The following SLF2 variants were observed in gnomAD, a reference collection of about 807,000 sequenced individuals.
SLF2 encodes SMC5/6 complex localization factor 2, also known as SMC5-SMC6 complex localization factor protein 2.
In SLF2, 68 loss-of-function variants were observed where a neutral mutation model predicts 124.3. That is an observed-to-expected ratio of 0.55 (90% CI 0.45 to 0.67). The LOEUF is 0.67. Among genes scored for constraint, SLF2 ranks in the 30% least tolerant of loss-of-function variants. The probability of loss-of-function intolerance (pLI) is 0.00; values close to 1 mark genes in which losing one functional copy is unlikely to be tolerated. For synonymous variants in SLF2, 480 were observed against 478.8 expected, an observed-to-expected ratio of 1.00 and a Z score of -0.03; for missense variants, 1,246 against 1,373.7, an observed-to-expected ratio of 0.91 and a Z score of 1.47.
chr10:100,931,524 G>A (rs984365943), intron 9 of SLF2, among the ~76,000 whole-genome samples: 5 of 151,376 alleles, frequency 3.3e-5, no homozygotes, highest in African/African-American at 7.3e-5. Context: ...CATATTTAAC[G>A]CTTAAATCCA....
chr10:100,944,464 T>C (rs893216647), intron 12 of SLF2, among the ~76,000 whole-genome samples: 35 of 131,454 alleles, frequency 2.7e-4, no homozygotes, highest in Admixed American at 4.6e-4. Flanking sequence ...CACTGCACTC[T>C]AGCCTGGGCA....
intron 1 of SLF2, among the ~76,000 whole-genome samples, chr10:100,914,116 A>G (rs1849371998): frequency 6.6e-6 from 1 of 152,204 alleles, no homozygotes; most frequent in African/African-American, 2.4e-5. Flanking sequence ...TTAAGTGTGA[A>G]TATTCATGTT....
intron 1 of SLF2, among the ~76,000 whole-genome samples, chr10:100,914,484 C>T (rs1306176453): frequency 1.3e-5 from 2 of 151,972 alleles, no homozygotes; most frequent in Non-Finnish European, 2.9e-5. Context: ...AGTCTGAGGT[C>T]CAATATTTTA....
At chr10:100,940,801 C>CCCCCTG (rs1455087527) in intron 11 of SLF2, among the ~76,000 whole-genome samples, 2 of 107,926 alleles carry the variant, frequency 1.9e-5, no homozygotes, top group South Asian at 3.4e-4. Flanking sequence ...CCCTGCCCCT[C>CCCCCTG]CCCCTGCCCC....
At chr10:100,959,340 A>G (rs1362039109) in intron 18 of SLF2, 88 bp from the exon 19 acceptor site, 1 of 1,231,338 alleles carries the variant, frequency 8.1e-7, no homozygotes, top group Non-Finnish European at 1.1e-6. Flanking sequence ...GGCCTGTTGC[A>G]GCTGTCAGAT....
chr10:100,937,500 A>T (rs1174409494), intron 10 of SLF2, 23 bp downstream of exon 10: 10 of 1,368,846 alleles, frequency 7.3e-6, no homozygotes, highest in Non-Finnish European at 1.0e-5. Flanking sequence ...ACTTATTAAG[A>T]TTTACCGTGT....
chr10:100,947,212 C>T, intron 14 of SLF2, 76 bp downstream of exon 14: 1 of 831,142 alleles, frequency 1.2e-6, no homozygotes, highest in South Asian at 2.1e-5. Flanking sequence ...TTGTTTATTT[C>T]CATTCATCAT....
At chr10:100,944,989 C>T (rs1206843001) in intron 12 of SLF2, among the ~76,000 whole-genome samples, 2 of 151,994 alleles carry the variant, frequency 1.3e-5, no homozygotes, top group African/African-American at 4.8e-5. Flanking sequence ...GAGATCACAC[C>T]ACTGTACTCC....
intron 19 of SLF2, among the ~76,000 whole-genome samples, chr10:100,960,973 G>GTGAGAAC (rs1564787347): frequency 7.1e-6 from 1 of 140,372 alleles, no homozygotes; most frequent in Non-Finnish European, 1.5e-5. Flanking sequence ...TAGGTCTGGA[G>GTGAGAAC]TGAGAACTGA....
At position 100,916,897 on chromosome 10, in the gene SLF2, C is replaced by T. The variant is rs758986119; in HGVS notation, c.512C>T (p.Pro171Leu). The change falls in exon 3 of 20, where the codon CCA becomes CTA. Residue 171 changes from proline to leucine, a missense_variant. Physicochemically the swap from Pro to Leu is moderately conservative, Grantham distance 98. Coordinates refer to ENST00000238961, the MANE Select transcript of SLF2 (RefSeq NM_018121.4). Reference sequence around the variant, plus strand: ...TCACTAAAGAAAAAACATCGATCCCCAGAGAGAAGGAAGTCACTATTCATT... The same window carrying T: ...TCACTAAAGAAAAAACATCGATCCCTAGAGAGAAGGAAGTCACTATTCATT... ...MKSLKKKHRSPERRKSLFIHE... is the reference protein window; with the variant it reads ...MKSLKKKHRSLERRKSLFIHE... The T allele has an allele frequency of 8.7e-6, 14 of 1,614,016 alleles. No individual in the cohort carries two copies. The African/African-American group carries it at 1.9e-4, about 22-fold the overall frequency.
At chr10:100,923,410 T>G (rs888703833) in intron 4 of SLF2, among the ~76,000 whole-genome samples, 9 of 152,106 alleles carry the variant, frequency 5.9e-5, no homozygotes, top group Admixed American at 5.2e-4. Flanking sequence ...CTTTTCCTTG[T>G]GTATTTTCAC....
At chr10:100,946,380 G>A (rs577852296) in intron 13 of SLF2, among the ~76,000 whole-genome samples, 2 of 148,506 alleles carry the variant, frequency 1.3e-5, no homozygotes, top group East Asian at 2.0e-4. Flanking sequence ...AGGCAGGAGT[G>A]CAGTGGCGCA....
At chr10:100,932,724 C>T (rs75231562) in intron 9 of SLF2, among the ~76,000 whole-genome samples, 47 of 61,180 alleles carry the variant, frequency 7.7e-4, no homozygotes, top group African/African-American at 1.0e-3. Context: ...TGTGTGTGCG[C>T]GCGCGCGCGC....
Position 100,924,710 on chromosome 10 carries a change from C to G in SLF2, c.1709C>G (p.Ala570Gly), listed in dbSNP as rs147142110. Residue 570 changes from alanine (A) to glycine (G), a missense_variant, in exon 5 of 20, where the codon GCA becomes GGA. Ala to Gly is a moderately conservative substitution (Grantham distance 60). This residue lies in a region of SLF2 where 698 missense variants were observed against 708.9 expected (regional missense o/e 0.98). Coordinates refer to ENST00000238961, the MANE Select transcript of SLF2 (RefSeq NM_018121.4). ...LEVVPCIPSPAAPSDKAPSEG... is the reference protein window; with the variant it reads ...LEVVPCIPSPGAPSDKAPSEG... ...GTTGTGCCATGTATCCCAAGCCCTG[C>G]AGCACCTTCAGATAAAGCCCCTTCA... 4 of 1,614,056 alleles carry G rather than the reference C, an allele frequency of 2.5e-6. No individual in the cohort carries two copies. In the African/African-American group the frequency reaches 5.3e-5, roughly 22 times the overall value.
chr10:100,929,223 A>C (rs1849679520), intron 6 of SLF2, 94 bp from the exon 7 acceptor site: 2 of 1,235,782 alleles, frequency 1.6e-6, no homozygotes, highest in Non-Finnish European at 1.1e-6. Context: ...GGTACTTAAT[A>C]AGGGTTTTCT....
chr10:100,942,070 C>G (rs1343828497), intron 11 of SLF2, among the ~76,000 whole-genome samples: 1 of 152,130 alleles, frequency 6.6e-6, no homozygotes, highest in Admixed American at 6.5e-5. Context: ...TACAACACTT[C>G]TGGCATCAAA....
intron 17 of SLF2, among the ~76,000 whole-genome samples, chr10:100,951,185 G>A (rs549989848): frequency 1.3e-5 from 2 of 152,348 alleles, no homozygotes; most frequent in Non-Finnish European, 2.9e-5. Context: ...GGAGGTTGCA[G>A]TGAGCCGAGA....
At chr10:100,930,352 AGCACCTAGCTTC>A (rs1280096174) in intron 8 of SLF2, among the ~76,000 whole-genome samples, 1 of 152,218 alleles carries the variant, frequency 6.6e-6, no homozygotes, top group Non-Finnish European at 1.5e-5. Flanking sequence ...CACCATTCTT[AGCACCTAGCTTC>A]GGGTGCTGTT....
Position 100,915,122 on chromosome 10 carries a change from A to G in SLF2, c.141-877A>G, listed in dbSNP as rs186393102. Among the ~76,000 whole-genome samples, 319 of 152,348 alleles carry G rather than the reference A, an allele frequency of 2.1e-3. 1 individual carries two copies. In the Middle Eastern group the frequency reaches 0.024, roughly 11 times the overall value. On this transcript the variant is annotated intron_variant, in intron 1 of 19. Coordinates refer to ENST00000238961, the MANE Select transcript of SLF2 (RefSeq NM_018121.4). ...TTATTGCCAATGTCAGAACTTGATT[A>G]GTTAAGCCAGATAATGAAATCCAGT...
Sources: allele counts gnomAD v4.1 joint callset (sites outside exome capture counted in the v4.1 genomes callset), GRCh38; gene constraint gnomAD v4.1.1; regional missense constraint gnomAD v4.1.1; transcripts MANE v1.5; gene names NCBI Gene and HGNC (gene_info 2026-07-23, HGNC 2026-07-21).